The following GRM8 variants were observed in gnomAD, a reference collection of about 807,000 sequenced individuals.
The protein encoded by GRM8 is metabotropic glutamate receptor 8.
Under a neutral mutation model 87.2 loss-of-function variants are expected in GRM8, and 47 were observed. The observed-to-expected ratio is 0.54, with a 90% CI of 0.43 to 0.69. The LOEUF is 0.69. GRM8 is among the 30% of genes least tolerant of loss of function. The pLI is 0.00. For synonymous variants in GRM8, 396 were observed against 404.5 expected, an observed-to-expected ratio of 0.98 and a Z score of 0.25; for missense variants, 1,019 against 1,139.2, an observed-to-expected ratio of 0.89 and a Z score of 1.52.
intron 2 of GRM8, chr7:127,228,964 T>C (rs1222067516): frequency 6.6e-6 from 1 of 152,202 alleles, no homozygotes; most frequent in East Asian, 1.9e-4. Context: ...CATCATAACA[T>C]TTTTTAAAAA....
chr7:126,564,715 T>C (rs1794046002), intron 8 of GRM8, among the ~76,000 whole-genome samples: 1 of 152,096 alleles, frequency 6.6e-6, no homozygotes, highest in East Asian at 1.9e-4. Context: ...GAGAGAACAC[T>C]TCCAAACTAA....
At chr7:126,764,589 A>G (rs900898324) in intron 7 of GRM8, among the ~76,000 whole-genome samples, 4 of 152,106 alleles carry the variant, frequency 2.6e-5, no homozygotes, top group Non-Finnish European at 5.9e-5. Context: ...TTTGAAATCA[A>G]TAAGGTTTCT....
intron 8 of GRM8, among the ~76,000 whole-genome samples, chr7:126,545,928 A>G (rs13227344): frequency 0.2 from 29,680 of 152,098 alleles, 3,548 homozygotes; most frequent in East Asian, 0.31. Flanking sequence ...ACAACATAGG[A>G]GATGTTCTGT....
chr7:127,165,981 A>G (rs958694235), intron 2 of GRM8, among the ~76,000 whole-genome samples: 1 of 152,188 alleles, frequency 6.6e-6, no homozygotes, highest in African/African-American at 2.4e-5. Flanking sequence ...TGACAATTTC[A>G]AAATCTGTGA....
At chr7:127,028,834 T>C (rs1015718047) in intron 3 of GRM8, among the ~76,000 whole-genome samples, 2 of 151,870 alleles carry the variant, frequency 1.3e-5, no homozygotes, top group South Asian at 2.1e-4. Context: ...CTCTATCTCC[T>C]TTCAGTTCTG....
intron 2 of GRM8, among the ~76,000 whole-genome samples, chr7:127,179,989 G>T (rs1352387861): frequency 6.6e-6 from 1 of 151,306 alleles, no homozygotes; most frequent in African/African-American, 2.4e-5. Flanking sequence ...AAGAAAGGAA[G>T]TTATCATGAA....
chr7:126,533,912 C>T (rs1415056796), intron 8 of GRM8, 25 bp from the exon 9 acceptor site: 6 of 1,540,928 alleles, frequency 3.9e-6, no homozygotes, highest in Admixed American at 1.8e-5. Flanking sequence ...AATTAATGAG[C>T]CTTCCATTTT....
intron 9 of GRM8, among the ~76,000 whole-genome samples, chr7:126,448,883 T>C (rs1418937941): frequency 1.3e-5 from 2 of 151,706 alleles, no homozygotes; most frequent in Admixed American, 6.6e-5. Context: ...TGGGGCCTTT[T>C]GGAGGGTGGA....
chr7:126,872,177 G>T (rs1469142231), intron 6 of GRM8, among the ~76,000 whole-genome samples: 2 of 152,114 alleles, frequency 1.3e-5, no homozygotes. Context: ...CTGTTCTCAG[G>T]AGAACTTCAA....
intron 7 of GRM8, among the ~76,000 whole-genome samples, chr7:126,755,239 T>C (rs534050569): frequency 6.6e-6 from 1 of 152,142 alleles, no homozygotes; most frequent in East Asian, 1.9e-4. Flanking sequence ...AATTGCAGTC[T>C]TTAACAGTGA....
intron 2 of GRM8, among the ~76,000 whole-genome samples, chr7:127,184,287 A>C (rs1345572002): frequency 1.3e-5 from 2 of 151,916 alleles, no homozygotes; most frequent in African/African-American, 4.8e-5. Context: ...ACAATATATA[A>C]AAATAATTAT....
At chr7:126,591,781 T>C (rs572518361) in intron 8 of GRM8, among the ~76,000 whole-genome samples, 3 of 150,954 alleles carry the variant, frequency 2.0e-5, no homozygotes, top group Admixed American at 2.0e-4. Context: ...AAAAAGATCA[T>C]CACAGAAATA....
chr7:126,963,079 G>C (rs1455750011), intron 3 of GRM8, among the ~76,000 whole-genome samples: 1 of 152,062 alleles, frequency 6.6e-6, no homozygotes, highest in Non-Finnish European at 1.5e-5. Context: ...ACTGAGTTTT[G>C]TTTGTTTGTT....
At position 126,500,771 on chromosome 7, in the gene GRM8, T is replaced by C. The variant is rs772251622; in HGVS notation, c.2430+32181A>G. Among the ~76,000 whole-genome samples, 3 of 152,144 alleles carry C rather than the reference T, an allele frequency of 2.0e-5. No individual in the cohort carries two copies. The South Asian group carries it at 6.2e-4, about 32-fold the overall frequency. On this transcript the variant is annotated intron_variant, in intron 9 of 10. Transcript: ENST00000339582. ...TTCTGTTAGTCATCTATAGAGGTTT[T>C]CCTTACATAGCTTTTAATGCATTAT... is the stretch of plus-strand genomic sequence containing the variant.
intron 6 of GRM8, among the ~76,000 whole-genome samples, chr7:126,897,708 T>C (rs1801679868): frequency 6.6e-6 from 1 of 152,144 alleles, no homozygotes; most frequent in Admixed American, 6.6e-5. Flanking sequence ...TAAGTAGTAG[T>C]AGCTTTCAGA....
intron 9 of GRM8, among the ~76,000 whole-genome samples, chr7:126,498,844 G>A (rs148026981): frequency 4.6e-5 from 7 of 151,988 alleles, no homozygotes; most frequent in East Asian, 1.9e-4. Flanking sequence ...CATAAATTAC[G>A]TATTTATCTT....
chr7:126,508,976 T>A (rs1020633094), intron 9 of GRM8, among the ~76,000 whole-genome samples: 1 of 152,074 alleles, frequency 6.6e-6, no homozygotes, highest in African/African-American at 2.4e-5. Flanking sequence ...TCTACACAGA[T>A]CTGACCCAGG....
intron 3 of GRM8, among the ~76,000 whole-genome samples, chr7:126,990,350 A>G (rs576088107): frequency 1.3e-5 from 2 of 151,158 alleles, no homozygotes; most frequent in South Asian, 2.1e-4. Flanking sequence ...AAAAAAAAGG[A>G]GAAATATGGC....
At chr7:126,524,980 G>C (rs1050715971) in intron 9 of GRM8, among the ~76,000 whole-genome samples, 1 of 150,164 alleles carries the variant, frequency 6.7e-6, no homozygotes, top group Non-Finnish European at 1.5e-5. Context: ...TTTTTTTTTT[G>C]AGTCAGTTAA....
Sources: gnomAD v4.1 joint callset for allele counts (sites outside exome capture counted in the v4.1 genomes callset) on GRCh38, gnomAD v4.1.1 for gene constraint, MANE v1.5 for transcripts, NCBI Gene and HGNC (gene_info 2026-07-23, HGNC 2026-07-21) for gene names.